PDCD1: variants seen among roughly 807,000 people sequenced by gnomAD.
The protein encoded by PDCD1 is programmed cell death 1.
Under a neutral mutation model 23.6 loss-of-function variants are expected in PDCD1, and 10 were observed. That is an observed-to-expected ratio of 0.42 (90% CI 0.26 to 0.72). The LOEUF is 0.72. Among genes scored for constraint, PDCD1 ranks in the 30% least tolerant of loss-of-function variants. PDCD1 has a pLI of 0.24. For missense variants in PDCD1, 313 were observed against 397.8 expected, an observed-to-expected ratio of 0.79 and a Z score of 1.81; for synonymous variants, 168 against 169.3, an observed-to-expected ratio of 0.99 and a Z score of 0.06.
intron 3 of PDCD1, 106 bp downstream of exon 3, chr2:241,852,092 G>A (rs1700914351): frequency 6.9e-7 from 1 of 1,442,112 alleles, no homozygotes. Flanking sequence ...CGGGGAGATG[G>A]GGGGAGGTGG....
rs1451845541 is a variant in PDCD1, at chr2:241,851,435, A to G, written c.628-138T>C. On this transcript the variant is annotated intron_variant, in intron 4 of 4. Transcript: ENST00000334409. ...GCTGCTTACCCTGAGCTGTCCCACC[A>G]CTGCCCTCTGTGTGATCTGGGGACA... 2.3e-5 allele frequency: 18 copies of G among 776,592 alleles called. No individual in the cohort carries two copies. The Admixed American group carries it at 5.2e-4, about 22-fold the overall frequency. 48.1% of individuals were successfully genotyped at this position (776,592 alleles called of 1,614,324 possible). A position where few individuals can be genotyped will look rare whatever the true frequency, so the allele number is the denominator to read the frequency against.
chr2:241,856,471 G>A (rs552643015), intron 1 of PDCD1, among the ~76,000 whole-genome samples: 4 of 152,196 alleles, frequency 2.6e-5, no homozygotes, highest in African/African-American at 4.8e-5. Flanking sequence ...AAACGTTTTT[G>A]TATATTTTTC....
intron 1 of PDCD1, among the ~76,000 whole-genome samples, chr2:241,857,083 G>A (rs1701042224): frequency 6.6e-6 from 1 of 152,204 alleles, no homozygotes; most frequent in South Asian, 2.1e-4. Flanking sequence ...CAGCCGGGTT[G>A]GGGATATCTC....
chr2:241,851,151 G>A lies in PDCD1; in HGVS notation c.774C>T (p.Gly258=), dbSNP rs1559447147. 6.2e-7 allele frequency: 1 copy of A among 1,613,472 alleles called. No homozygotes were observed. Among genetic ancestry groups the A allele is most frequent in the Non-Finnish European group, 8.5e-7 (1 of 1,179,960 alleles). The change falls in exon 5 of 5, where the codon GGC becomes GGT. Residue 258 remains glycine (G), a synonymous_variant. Coordinates refer to ENST00000334409, the MANE Select transcript of PDCD1 (RefSeq NM_005018.3). Reference sequence around the variant, plus strand: ...AGCCCCTGCGGGCGGGGGATGAGGTGCCCATTCCGCTAGGAAAGACAATGG... The same window carrying A: ...AGCCCCTGCGGGCGGGGGATGAGGTACCCATTCCGCTAGGAAAGACAATGG... The part of the protein sequence containing the change: ...YATIVFPSGM[G]TSSPARRGSA...
Position 241,850,572 on chromosome 2 carries a change from C to G in PDCD1, c.*486G>C, listed in dbSNP as rs766685528. ...CCCCATGTACCTCCCACTCCTGTGC[C>G]CAGTCTTGGGCCCTGCGTCCAGGGC... On this transcript the variant is annotated 3_prime_UTR_variant, in exon 5 of 5. Transcript: ENST00000334409. 74 of 397,762 alleles carry G rather than the reference C, an allele frequency of 1.9e-4. No individual in the cohort carries two copies. Among genetic ancestry groups the G allele is most frequent in the Non-Finnish European group, 3.0e-4 (63 of 209,248 alleles). The allele number at this position is 397,762 out of a possible 1,614,324, so 24.6% of individuals were successfully genotyped here.
In PDCD1 at chr2:241,851,949, C is replaced by G. The variant is rs997289676; in HGVS notation, c.627G>C (p.Leu209=). The G allele has an allele frequency of 3.1e-6, 5 of 1,613,628 alleles. No individual in the cohort carries two copies. The African/African-American group carries it at 6.7e-5, about 22-fold the overall frequency. The change falls in exon 4 of 5, where the codon CTG becomes CTC. Residue 209 remains leucine (L), a splice_region_variant and synonymous_variant. Coordinates refer to ENST00000334409, the MANE Select transcript of PDCD1 (RefSeq NM_005018.3). ...TIGARRTGQP[L]KEDPSAVPVF... ...CATGCAGGAAAAGAGTGAGACTCAC[C>G]AGGGGCTGGCCGGTGCGCCTGGCTC...
chr2:241,855,269 G>GCCAGTCTCAGAGACTGGCTCCCAC (rs1700997876), intron 1 of PDCD1, among the ~76,000 whole-genome samples: 1 of 152,078 alleles, frequency 6.6e-6, no homozygotes, highest in Non-Finnish European at 1.5e-5. Context: ...ACCTCCCCCA[G>GCCAGTCTCAGAGACTGGCTCCCAC]CCAGTCTCAG....
chr2:241,851,761 G>A (rs1455067506), intron 4 of PDCD1, among the ~76,000 whole-genome samples, 188 bp downstream of exon 4: 1 of 152,154 alleles, frequency 6.6e-6, no homozygotes, highest in African/African-American at 2.4e-5. Context: ...CCCGGAGACC[G>A]CAGGTGGGCT....
At chr2:241,858,345 C>T (rs562230576) in intron 1 of PDCD1, among the ~76,000 whole-genome samples, 1 of 152,344 alleles carries the variant, frequency 6.6e-6, no homozygotes, top group South Asian at 2.1e-4. Context: ...AGAGCCGCCA[C>T]GCAGACTCCC....
chr2:241,853,044 C>A (rs1174654250), intron 1 of PDCD1, 64 bp from the exon 2 acceptor site: 5 of 1,502,118 alleles, frequency 3.3e-6, no homozygotes, highest in Admixed American at 2.0e-5. Flanking sequence ...CGGCCACCTG[C>A]TCACATCCCT....
Position 241,851,221 on chromosome 2 carries a change from G to A in PDCD1, c.704C>T (p.Pro235Leu), listed in dbSNP as rs2124856398. The A allele has an allele frequency of 3.7e-6, 6 of 1,613,784 alleles. No homozygotes were observed. Among genetic ancestry groups the A allele is most frequent in the South Asian group, 2.2e-5 (2 of 91,086 alleles). Residue 235 changes from proline (P) to leucine (L), a missense_variant, in exon 5 of 5, where the codon CCG (proline) becomes CTG (leucine). By Grantham distance (98) the Pro-to-Leu change is moderately conservative (BLOSUM62 -3). Around this residue, in one of 3 missense-constraint regions of PDCD1, gnomAD observed 158 missense variants for 177.5 expected, o/e 0.89. Coordinates refer to ENST00000334409, the MANE Select transcript of PDCD1 (RefSeq NM_005018.3). ...ELDFQWREKT[P>L]EPPVPCVPEQ... ...AGGGACACAGGGCACGGGGGGCTCC[G>A]GGGTCTTCTCTCGCCACTGGAAATC...
intron 1 of PDCD1, among the ~76,000 whole-genome samples, chr2:241,856,377 G>A (rs1028762281): frequency 7.2e-5 from 11 of 152,238 alleles, no homozygotes; most frequent in African/African-American, 2.7e-4. Context: ...GCTTTGTCAT[G>A]GCAGCTCCAG....
chr2:241,856,892 C>A (rs149814063), intron 1 of PDCD1, among the ~76,000 whole-genome samples: 2 of 152,216 alleles, frequency 1.3e-5, no homozygotes, highest in Non-Finnish European at 2.9e-5. Context: ...ATCCTCAGGA[C>A]GCAGCCTTGC....
At chr2:241,854,982 A>T (rs1216500882) in intron 1 of PDCD1, among the ~76,000 whole-genome samples, 1 of 152,164 alleles carries the variant, frequency 6.6e-6, no homozygotes, top group Non-Finnish European at 1.5e-5. Flanking sequence ...GCTGCTATTT[A>T]TTTGCACACA....
intron 1 of PDCD1, among the ~76,000 whole-genome samples, chr2:241,854,337 C>T (rs995623666): frequency 9.9e-5 from 15 of 152,252 alleles, no homozygotes; most frequent in African/African-American, 3.6e-4. Context: ...GCCAGCTACA[C>T]AAGGGGCTGC....
chr2:241,854,001 G>A (rs1267146011), intron 1 of PDCD1, among the ~76,000 whole-genome samples: 9 of 152,216 alleles, frequency 5.9e-5, no homozygotes, highest in Admixed American at 1.3e-4. Context: ...CGTGGCAGGC[G>A]GTGGTGATGA....
intron 2 of PDCD1, 104 bp downstream of exon 2, chr2:241,852,517 G>C (rs369728435): frequency 1.4e-6 from 2 of 1,388,460 alleles, no homozygotes; most frequent in African/African-American, 2.9e-5. Context: ...GGAGCTGGGG[G>C]GTCCCTGCCC....
rs540492960 is a variant in PDCD1 at position 241,857,528 on chromosome 2, T to C, written c.76+1235A>G. Among the ~76,000 whole-genome samples, 99 of 149,994 alleles carry C rather than the reference T, an allele frequency of 6.6e-4. 3 individuals are homozygous for C. In the East Asian group the frequency reaches 0.019, roughly 29 times the overall value. On this transcript the variant is annotated intron_variant, in intron 1 of 4. Coordinates refer to ENST00000334409, the MANE Select transcript of PDCD1 (RefSeq NM_005018.3). The stretch of plus-strand genomic sequence containing the variant: ...CTGTGACGAGCGCCCCTCTGCCCTC[T>C]GGTTCCCCCGCAGTCGTCTCCCTGG...
chr2:241,851,348 G>T, intron 4 of PDCD1, 51 bp from the exon 5 acceptor site: 6 of 1,547,910 alleles, frequency 3.9e-6, no homozygotes, highest in Non-Finnish European at 5.2e-6. Context: ...CCGCAGGAAG[G>T]AGGCCCGCGG....
Sources: allele counts gnomAD v4.1 joint callset (sites outside exome capture counted in the v4.1 genomes callset), GRCh38; gene constraint gnomAD v4.1.1; regional missense constraint gnomAD v4.1.1; transcripts MANE v1.5; gene names NCBI Gene and HGNC (gene_info 2026-07-23, HGNC 2026-07-21).